POLD3: variants seen among roughly 807,000 people sequenced by gnomAD.
The protein encoded by POLD3 is DNA polymerase delta 3, accessory subunit, also known as DNA polymerase delta subunit 3.
Under a neutral mutation model 58.2 loss-of-function variants are expected in POLD3, and 19 were observed. That is an observed-to-expected ratio of 0.33 (90% CI 0.23 to 0.48). POLD3 has a LOEUF of 0.48. Among genes scored for constraint, POLD3 ranks in the 20% least tolerant of loss-of-function variants. The pLI is 0.99. For missense variants in POLD3, 504 were observed against 545.5 expected, an observed-to-expected ratio of 0.92 and a Z score of 0.76; for synonymous variants, 172 against 193.5, an observed-to-expected ratio of 0.89 and a Z score of 0.92.
At chr11:74,657,925 G>GT (rs886286774) in intron 4 of POLD3, among the ~76,000 whole-genome samples, 1 of 152,104 alleles carries the variant, frequency 6.6e-6, no homozygotes, top group Non-Finnish European at 1.5e-5. Context: ...TAGGGTAAAA[G>GT]TTTTTTTCCC....
At position 74,611,554 on chromosome 11, in the gene POLD3, A is replaced by G; in HGVS notation, c.259+16A>G. On this transcript the variant is annotated intron_variant, in intron 4 of 11. Transcript: ENST00000263681. ...AAATTGGAAGGTAAGTGTTTTAGTG[A>G]CTTAGCAAGTTTTTCCTCTTATGGC... 2.0e-6 allele frequency: 3 copies of G among 1,509,142 alleles called. No individual in the cohort carries two copies. The highest frequency in any genetic ancestry group is 2.7e-6 in the Non-Finnish European group (3 of 1,095,418). The allele number at this position is 1,509,142 out of a possible 1,614,324, so 93.5% of individuals were successfully genotyped here.
At chr11:74,666,094 T>C (rs1353078743) in intron 4 of POLD3, among the ~76,000 whole-genome samples, 1 of 152,246 alleles carries the variant, frequency 6.6e-6, no homozygotes, top group Non-Finnish European at 1.5e-5. Flanking sequence ...ATCAATTATA[T>C]TTCTACAAGC....
At chr11:74,632,645 C>T (rs540685012) in intron 9 of POLD3, among the ~76,000 whole-genome samples, 162 of 152,228 alleles carry the variant, frequency 1.1e-3, no homozygotes, top group Non-Finnish European at 1.9e-3. Flanking sequence ...CTCCCATCTG[C>T]CTTCCACCTT....
intron 4 of POLD3, among the ~76,000 whole-genome samples, chr11:74,660,497 A>T (rs529442264): frequency 2.0e-5 from 3 of 151,886 alleles, no homozygotes; most frequent in African/African-American, 7.2e-5. Context: ...ATTCTTTATT[A>T]TTATTTTTTC....
At chr11:74,647,884 T>A (rs988528145), downstream of POLD3, among the ~76,000 whole-genome samples, 2 of 152,304 alleles carry the variant, frequency 1.3e-5, no homozygotes, top group African/African-American at 4.8e-5. Flanking sequence ...TATAATTATA[T>A]TATAATAATA....
intron 3 of POLD3, among the ~76,000 whole-genome samples, chr11:74,610,469 A>G (rs370130181): frequency 1.7e-4 from 26 of 152,124 alleles, no homozygotes; most frequent in African/African-American, 5.1e-4. Context: ...TCGGCCTCCC[A>G]AAGTACTGGG....
In POLD3 at chr11:74,642,725, C is replaced by A; in HGVS notation, c.*1959C>A. On this transcript the variant is annotated 3_prime_UTR_variant, in exon 12 of 12. Coordinates refer to ENST00000263681, the MANE Select transcript of POLD3 (RefSeq NM_006591.3). ...ATAAATTTGAGAAGTTGTTTTAAAA[C>A]AGTGCTTCAAACTGAGTATCTGATG... 1 of 983,278 alleles carries A rather than the reference C, an allele frequency of 1.0e-6. No individual in the cohort carries two copies. Among genetic ancestry groups the A allele is most frequent in the Non-Finnish European group, 1.2e-6 (1 of 828,586 alleles). 60.9% of individuals were successfully genotyped at this position (983,278 alleles called of 1,614,324 possible).
intron 4 of POLD3, among the ~76,000 whole-genome samples, chr11:74,665,960 C>T (rs989510873): frequency 1.3e-5 from 2 of 152,290 alleles, no homozygotes; most frequent in Non-Finnish European, 2.9e-5. Context: ...AGAAGTACAA[C>T]TATTTCTGTA....
intron 2 of POLD3, among the ~76,000 whole-genome samples, chr11:74,598,761 C>T (rs2031373088): frequency 6.6e-6 from 1 of 152,108 alleles, no homozygotes; most frequent in Non-Finnish European, 1.5e-5. Context: ...GGACTTCTTA[C>T]ATAGAAGCTC....
downstream of POLD3, among the ~76,000 whole-genome samples, chr11:74,644,451 C>G (rs546828952): frequency 6.6e-6 from 1 of 152,324 alleles, no homozygotes; most frequent in African/African-American, 2.4e-5. Flanking sequence ...CATGCTGTCA[C>G]CATGCCCTCT....
At chr11:74,651,859 A>G (rs748516499) in intron 4 of POLD3, among the ~76,000 whole-genome samples, 5 of 152,164 alleles carry the variant, frequency 3.3e-5, no homozygotes, top group African/African-American at 4.8e-5. Flanking sequence ...AGACAAAGGG[A>G]AGTCATTGAA....
At chr11:74,644,271 C>T (rs572423954), downstream of POLD3, among the ~76,000 whole-genome samples, 4 of 152,232 alleles carry the variant, frequency 2.6e-5, no homozygotes, top group Admixed American at 2.6e-4. Context: ...GAAACGTACT[C>T]TGTGTCAAGA....
At chr11:74,625,829 A>AT (rs1423524635) in intron 8 of POLD3, among the ~76,000 whole-genome samples, 1 of 145,476 alleles carries the variant, frequency 6.9e-6, no homozygotes, top group Non-Finnish European at 1.5e-5. Flanking sequence ...TTGATTGTTG[A>AT]TTTTTGTTTT....
chr11:74,635,248 T>C (rs761526241), intron 10 of POLD3, among the ~76,000 whole-genome samples: 3 of 152,202 alleles, frequency 2.0e-5, no homozygotes, highest in Non-Finnish European at 2.9e-5. Context: ...TTTTTCTTAA[T>C]TCATTGTGTT....
intron 2 of POLD3, among the ~76,000 whole-genome samples, chr11:74,598,629 A>G (rs1018719407): frequency 3.9e-5 from 6 of 152,320 alleles, no homozygotes; most frequent in Non-Finnish European, 7.3e-5. Context: ...CTTTATGCAC[A>G]TGTCTGGCTG....
intron 7 of POLD3, among the ~76,000 whole-genome samples, chr11:74,622,869 CACAAAAACTTGT>C (rs1324091006): frequency 6.6e-6 from 1 of 152,164 alleles, no homozygotes. Flanking sequence ...TGTATGTCCA[CACAAAAACTTGT>C]ACAAGATGTT....
chr11:74,639,989 A>G (rs1216975617), intron 11 of POLD3, among the ~76,000 whole-genome samples: 1 of 152,202 alleles, frequency 6.6e-6, no homozygotes, highest in Admixed American at 6.5e-5. Context: ...ACAGTTGAGT[A>G]ACTAATCTTC....
intron 4 of POLD3, among the ~76,000 whole-genome samples, chr11:74,657,657 G>A (rs1720754771): frequency 6.6e-6 from 1 of 152,084 alleles, no homozygotes; most frequent in Admixed American, 6.6e-5. Flanking sequence ...TCATCTTTTA[G>A]TCTTTCTGCT....
chr11:74,614,839 T>A (rs1489273170), intron 5 of POLD3, among the ~76,000 whole-genome samples: 1 of 152,100 alleles, frequency 6.6e-6, no homozygotes, highest in Non-Finnish European at 1.5e-5. Context: ...AGCTGGGTAC[T>A]AAGAAGGGGA....
Sources: allele counts gnomAD v4.1 joint callset (sites outside exome capture counted in the v4.1 genomes callset), GRCh38; gene constraint gnomAD v4.1.1; transcripts MANE v1.5; gene names NCBI Gene and HGNC (gene_info 2026-07-23, HGNC 2026-07-21).